The following MACROD2 variants were observed in gnomAD, a reference collection of about 807,000 sequenced individuals.
MACROD2 encodes the protein ADP-ribose glycohydrolase MACROD2.
A neutral mutation model predicts 70.4 loss-of-function variants in MACROD2; 36 were observed. The observed-to-expected ratio is 0.51, with a 90% confidence interval of 0.39 to 0.68. MACROD2 has a LOEUF of 0.68. MACROD2 is among the 30% of genes least tolerant of loss of function. The pLI, the probability that MACROD2 is intolerant of heterozygous loss-of-function variation, is 0.00. For missense variants in MACROD2, 496 were observed against 538.4 expected (o/e 0.92, Z 0.78); for synonymous variants, 172 against 178.8 (o/e 0.96, Z 0.30).
chr20:15,878,010 A>T (rs2064700370), intron 9 of MACROD2, among the ~76,000 whole-genome samples: 2 of 151,762 alleles, frequency 1.3e-5, no homozygotes, highest in South Asian at 4.2e-4. Flanking sequence ...TAAGGGTAAC[A>T]TTCCCCTTCA....
intron 3 of MACROD2, among the ~76,000 whole-genome samples, chr20:14,376,754 TAATA>T (rs1379989642): frequency 1.7e-3 from 13 of 7,526 alleles, no homozygotes; most frequent in Admixed American, 0.011. Context: ...TGTCTCAAAA[TAATA>T]ATAATAATAA....
intron 3 of MACROD2, among the ~76,000 whole-genome samples, chr20:14,166,915 A>G (rs868035299): frequency 5.9e-5 from 9 of 152,186 alleles, no homozygotes; most frequent in African/African-American, 2.2e-4. Context: ...GCTTTCCTCT[A>G]AATAACTTCC....
At chr20:14,771,633 T>G (rs2072166687) in intron 5 of MACROD2, among the ~76,000 whole-genome samples, 1 of 146,854 alleles carries the variant, frequency 6.8e-6, no homozygotes, top group Admixed American at 6.9e-5. Context: ...TTTGTAATAT[T>G]TATCCAAAAA....
intron 8 of MACROD2, among the ~76,000 whole-genome samples, chr20:15,662,689 G>A (rs765633182): frequency 1.6e-4 from 24 of 146,586 alleles, no homozygotes; most frequent in Non-Finnish European, 3.0e-4. Context: ...GTCATGTTTT[G>A]TTTGGCTTGT....
At chr20:15,348,656 A>C (rs1371560567) in intron 6 of MACROD2, among the ~76,000 whole-genome samples, 1 of 152,170 alleles carries the variant, frequency 6.6e-6, no homozygotes, top group Admixed American at 6.5e-5. Context: ...GAGCAAAATC[A>C]CATCTTACAT....
chr20:14,171,764 A>G (rs1380585225), intron 3 of MACROD2, among the ~76,000 whole-genome samples: 6 of 152,248 alleles, frequency 3.9e-5, no homozygotes, highest in East Asian at 3.9e-4. Flanking sequence ...CATGTTGTCT[A>G]TCTTGGAGAA....
intron 6 of MACROD2, among the ~76,000 whole-genome samples, chr20:15,423,417 G>A (rs139000583): frequency 2.2e-4 from 34 of 152,180 alleles, no homozygotes; most frequent in African/African-American, 5.3e-4. Context: ...TATCATCAGC[G>A]GGATGAAGAA....
intron 3 of MACROD2, among the ~76,000 whole-genome samples, chr20:14,262,909 A>C (rs1205077467): frequency 6.6e-6 from 1 of 152,192 alleles, no homozygotes; most frequent in Non-Finnish European, 1.5e-5. Context: ...AAAATAAAAG[A>C]AAAGAGTGAT....
intron 6 of MACROD2, among the ~76,000 whole-genome samples, chr20:15,298,147 A>G (rs772198615): frequency 2.0e-5 from 3 of 152,216 alleles, no homozygotes; most frequent in Non-Finnish European, 4.4e-5. Flanking sequence ...TTATATACTA[A>G]TGATATGATC....
At position 14,782,009 on chromosome 20, in the gene MACROD2, C is replaced by T. The variant is rs145615209; in HGVS notation, c.418+97050C>T. On this transcript the variant is annotated intron_variant, in intron 5 of 17. Transcript: ENST00000684519. ...GGTGATCTCAGCTCACTGCAACCTCCGCCTCCCGGGTTCAAGTGATCCTCC... is the reference window on the plus strand; with the variant it reads ...GGTGATCTCAGCTCACTGCAACCTCTGCCTCCCGGGTTCAAGTGATCCTCC... Among the ~76,000 whole-genome samples the T allele has an allele frequency of 1.6e-4, 25 of 151,906 alleles. 1 individual carries two copies. Among genetic ancestry groups the T allele is most frequent in the African/African-American group, 2.7e-4 (11 of 41,374 alleles).
chr20:14,060,114 A>G (rs951309381), intron 2 of MACROD2, among the ~76,000 whole-genome samples: 1 of 152,208 alleles, frequency 6.6e-6, no homozygotes, highest in East Asian at 1.9e-4. Context: ...ATAGCAAAAG[A>G]TCTTTAACTA....
chr20:14,242,399 G>A (rs2081937265), intron 3 of MACROD2, among the ~76,000 whole-genome samples: 1 of 152,182 alleles, frequency 6.6e-6, no homozygotes, highest in South Asian at 2.1e-4. Flanking sequence ...CTTGCATTTA[G>A]GTAATATTAG....
intron 5 of MACROD2, among the ~76,000 whole-genome samples, chr20:15,045,255 T>G (rs2075384366): frequency 6.6e-6 from 1 of 152,208 alleles, no homozygotes; most frequent in Non-Finnish European, 1.5e-5. Context: ...CGCAGCTAAA[T>G]TTTTAATGCT....
intron 4 of MACROD2, among the ~76,000 whole-genome samples, chr20:14,585,475 A>G (rs952699959): frequency 5.3e-5 from 8 of 152,146 alleles, no homozygotes; most frequent in Admixed American, 1.3e-4. Flanking sequence ...CTTTAGTGCA[A>G]TGACTTGTTT....
chr20:15,378,587 C>T (rs1047229867), intron 6 of MACROD2, among the ~76,000 whole-genome samples: 17 of 152,046 alleles, frequency 1.1e-4, no homozygotes, highest in Admixed American at 4.6e-4. Context: ...ACTATATAGT[C>T]TTCCTTTGTT....
intron 17 of MACROD2, among the ~76,000 whole-genome samples, chr20:16,047,536 G>A (rs759761096): frequency 7.2e-5 from 11 of 152,172 alleles, no homozygotes; most frequent in Admixed American, 1.3e-4. Flanking sequence ...TGTAACTTCC[G>A]TTTTTGCACT....
intron 8 of MACROD2, among the ~76,000 whole-genome samples, chr20:15,583,377 C>T (rs1407928245): frequency 6.6e-6 from 1 of 152,194 alleles, no homozygotes; most frequent in Non-Finnish European, 1.5e-5. Context: ...CCTGAAGTCT[C>T]GATATTCATC....
At chr20:14,693,053 A>G (rs1031304354) in intron 5 of MACROD2, among the ~76,000 whole-genome samples, 2 of 152,204 alleles carry the variant, frequency 1.3e-5, no homozygotes, top group African/African-American at 4.8e-5. Context: ...GACGCTGTCT[A>G]TACCTCCTAT....
chr20:14,736,435 A>T (rs1308810213), intron 5 of MACROD2, among the ~76,000 whole-genome samples: 3 of 152,202 alleles, frequency 2.0e-5, no homozygotes, highest in Non-Finnish European at 4.4e-5. Flanking sequence ...AAGTATACTG[A>T]AAGTCACTGG....
Sources: allele counts gnomAD v4.1 joint callset (sites outside exome capture counted in the v4.1 genomes callset), GRCh38; gene constraint gnomAD v4.1.1; transcripts MANE v1.5; gene names NCBI Gene and HGNC (gene_info 2026-07-23, HGNC 2026-07-21).